Variants in CCDC141 observed in about 807,000 individuals in gnomAD.
CCDC141 encodes the protein coiled-coil domain-containing protein 141.
CCDC141 carries 168 observed loss-of-function variants against 181.0 expected under a neutral mutation model. That is an observed-to-expected ratio of 0.93 (90% CI 0.82 to 1.05). The LOEUF is 1.05. Among genes scored for constraint, CCDC141 ranks in the 50% least tolerant of loss-of-function variants. The pLI is 0.00. For missense variants in CCDC141, 1,902 were observed against 1,788.5 expected, an observed-to-expected ratio of 1.06 and a Z score of -1.14; for synonymous variants, 666 against 642.3, an observed-to-expected ratio of 1.04 and a Z score of -0.56.
At chr2:178,972,947 G>A (rs374898520) in intron 4 of CCDC141, among the ~76,000 whole-genome samples, 1 of 152,232 alleles carries the variant, frequency 6.6e-6, no homozygotes, top group East Asian at 1.9e-4. Flanking sequence ...TGACTATTAG[G>A]GGTAAGTTTG....
intron 2 of CCDC141, among the ~76,000 whole-genome samples, chr2:179,025,198 A>T (rs2042802600): frequency 6.6e-6 from 1 of 151,878 alleles, no homozygotes; most frequent in African/African-American, 2.4e-5. Flanking sequence ...CGGGATACAG[A>T]TTATTTTGTC....
chr2:179,040,530 C>G (rs1200030821), intron 2 of CCDC141, among the ~76,000 whole-genome samples: 1 of 152,182 alleles, frequency 6.6e-6, no homozygotes, highest in Non-Finnish European at 1.5e-5. Context: ...GCTCTCCCTC[C>G]TCCCACCTCC....
At chr2:178,957,713 C>T (rs1337778943) in intron 5 of CCDC141, among the ~76,000 whole-genome samples, 1 of 152,180 alleles carries the variant, frequency 6.6e-6, no homozygotes, top group African/African-American at 2.4e-5. Context: ...TATATGCAGA[C>T]AATGGGATAT....
intron 5 of CCDC141, among the ~76,000 whole-genome samples, chr2:178,947,288 T>G (rs1370348848): frequency 6.6e-6 from 1 of 152,160 alleles, no homozygotes; most frequent in African/African-American, 2.4e-5. Context: ...GAGTGGTAAG[T>G]ACAGTAAATG....
intron 8 of CCDC141, among the ~76,000 whole-genome samples, chr2:178,900,898 A>T (rs1470272950): frequency 6.6e-6 from 1 of 152,196 alleles, no homozygotes; most frequent in East Asian, 1.9e-4. Context: ...AGCACAGGGC[A>T]GTGATCTGTT....
chr2:178,868,299 C>A, intron 15 of CCDC141, 94 bp from the exon 16 acceptor site: 1 of 1,001,464 alleles, frequency 1.0e-6, no homozygotes, highest in South Asian at 1.7e-5. Context: ...GCTAGCTGGT[C>A]GAAATGCTGC....
At chr2:178,935,050 G>C (rs145610332) in intron 6 of CCDC141, among the ~76,000 whole-genome samples, 10 of 152,260 alleles carry the variant, frequency 6.6e-5, no homozygotes, top group Admixed American at 6.5e-4. Flanking sequence ...TTTACACTAT[G>C]GATGGGAAAG....
intron 17 of CCDC141, among the ~76,000 whole-genome samples, chr2:178,864,076 C>A (rs558632673): frequency 6.6e-6 from 1 of 152,198 alleles, no homozygotes; most frequent in Non-Finnish European, 1.5e-5. Flanking sequence ...GAGCTAGAAA[C>A]GGAGCCAGAG....
chr2:178,953,926 T>C (rs1690057240), intron 5 of CCDC141, among the ~76,000 whole-genome samples: 1 of 152,248 alleles, frequency 6.6e-6, no homozygotes, highest in Admixed American at 6.5e-5. Flanking sequence ...ATGTCATCTC[T>C]AATATCATTT....
At chr2:178,965,201 G>C (rs1333902937) in intron 4 of CCDC141, among the ~76,000 whole-genome samples, 1 of 152,094 alleles carries the variant, frequency 6.6e-6, no homozygotes, top group Admixed American at 6.6e-5. Context: ...TTCCCCAGTG[G>C]GATGGTTTCT....
rs1397070675 is a variant in CCDC141, at chr2:179,049,977, C to G, written c.-36G>C. On this transcript the variant is annotated 5_prime_UTR_variant, in exon 1 of 24. Coordinates refer to ENST00000443758, the MANE Select transcript of CCDC141 (RefSeq NM_173648.4). ...AACCAGAGTTTATACTTTGGGCAGC[C>G]TCTGGACAGTTGTGTGTCTGCTGGT... The G allele has an allele frequency of 6.5e-7, 1 of 1,549,946 alleles. No homozygotes were observed. Among genetic ancestry groups the G allele is most frequent in the Non-Finnish European group, 8.7e-7 (1 of 1,146,636 alleles).
At chr2:178,843,245 A>G (rs2154366407) in intron 22 of CCDC141, among the ~76,000 whole-genome samples, 1 of 152,280 alleles carries the variant, frequency 6.6e-6, no homozygotes, top group East Asian at 1.9e-4. Context: ...CAGTTCTTAC[A>G]CTACTTTCTG....
intron 11 of CCDC141, among the ~76,000 whole-genome samples, chr2:178,884,210 C>T: frequency 6.7e-6 from 1 of 148,854 alleles, no homozygotes; most frequent in East Asian, 2.1e-4. Flanking sequence ...ATTTTTTGAG[C>T]CTTTGTATGG....
At chr2:178,961,776 A>C (rs1238936296) in intron 4 of CCDC141, among the ~76,000 whole-genome samples, 2 of 152,186 alleles carry the variant, frequency 1.3e-5, no homozygotes, top group South Asian at 4.1e-4. Flanking sequence ...GGATTTTGAC[A>C]TTGCTGCAGT....
At chr2:179,042,938 T>C (rs752042571) in intron 2 of CCDC141, among the ~76,000 whole-genome samples, 3 of 151,992 alleles carry the variant, frequency 2.0e-5, no homozygotes, top group Non-Finnish European at 4.4e-5. Flanking sequence ...AGCTAGCTTT[T>C]TGAAGAAAAA....
At position 178,868,208 on chromosome 2, in the gene CCDC141, A is replaced by G; in HGVS notation, c.2395-3T>C. ...CTTGATTTGATGAGACGTCCCAGCT[A>G]CAATTTAGGGCATTAACAATTAACC... On this transcript the variant is annotated splice_region_variant and splice_polypyrimidine_tract_variant and intron_variant, in intron 15 of 23. Transcript: ENST00000443758. 5.6e-6 allele frequency: 9 copies of G among 1,604,796 alleles called. No homozygotes were observed. The highest frequency in any genetic ancestry group is 1.3e-5 in the African/African-American group (1 of 74,908).
chr2:178,974,906 T>C (rs758069888), intron 4 of CCDC141, 151 bp downstream of exon 4: 1 of 453,274 alleles, frequency 2.2e-6, no homozygotes, highest in Non-Finnish European at 4.0e-6. Flanking sequence ...TTTCAGAAGA[T>C]GATTAAAAAT....
At chr2:178,896,471 T>C (rs1687412864) in intron 8 of CCDC141, among the ~76,000 whole-genome samples, 2 of 152,212 alleles carry the variant, frequency 1.3e-5, no homozygotes, top group Non-Finnish European at 2.9e-5. Flanking sequence ...CCATATAAGA[T>C]GCTCATATGT....
intron 2 of CCDC141, among the ~76,000 whole-genome samples, chr2:178,983,174 C>T (rs1451206086): frequency 6.6e-6 from 1 of 152,202 alleles, no homozygotes; most frequent in African/African-American, 2.4e-5. Context: ...CCCGACCAGC[C>T]TAACTGGGAG....
Sources: allele counts gnomAD v4.1 joint callset (sites outside exome capture counted in the v4.1 genomes callset), GRCh38; gene constraint gnomAD v4.1.1; transcripts MANE v1.5; gene names NCBI Gene and HGNC (gene_info 2026-07-23, HGNC 2026-07-21).